Variants in ZBTB7C observed in about 807,000 individuals in gnomAD.
ZBTB7C encodes the protein zinc finger and BTB domain-containing protein 7C.
Under a neutral mutation model 25.7 loss-of-function variants are expected in ZBTB7C, and 8 were observed. The ratio of observed to expected loss-of-function variants is 0.31; its 90% confidence interval spans 0.18 to 0.56. ZBTB7C has a LOEUF of 0.56. ZBTB7C is among the 20% of genes least tolerant of loss of function. The pLI, the probability that ZBTB7C is intolerant of heterozygous loss-of-function variation, is 0.91. For synonymous variants in ZBTB7C, 394 were observed against 369.0 expected, an observed-to-expected ratio of 1.07 and a Z score of -0.78; for missense variants, 824 against 855.2, an observed-to-expected ratio of 0.96 and a Z score of 0.46.
At chr18:48,407,775 C>A (rs551177344) in intron 1 of ZBTB7C, among the ~76,000 whole-genome samples, 2 of 152,124 alleles carry the variant, frequency 1.3e-5, no homozygotes, top group Non-Finnish European at 2.9e-5. Flanking sequence ...GGGCAGGGAG[C>A]GGGAGCCACC....
At chr18:48,204,449 T>C (rs938579323) in intron 2 of ZBTB7C, among the ~76,000 whole-genome samples, 1 of 152,144 alleles carries the variant, frequency 6.6e-6, no homozygotes, top group Non-Finnish European at 1.5e-5. Context: ...TAATGCCCTT[T>C]TATAATCTCG....
At chr18:48,041,543 G>A in intron 3 of ZBTB7C, 1 of 985,354 alleles carries the variant, frequency 1.0e-6, no homozygotes, top group Non-Finnish European at 1.2e-6. Context: ...TGCTTCTGCT[G>A]AGAAGATGCT....
Position 48,029,426 on chromosome 18 carries a change from T to C in ZBTB7C, c.1694A>G (p.Glu565Gly). Reference protein sequence around the residue: ...QMKLFGRAQLEAERNAGGLLA... With the variant: ...QMKLFGRAQLGAERNAGGLLA... ...GAGGCCCCCCGCGTTCCTCTCAGCC[T>C]CCAGCTGCGCGCGCCCGAACAGCTT... The change falls in exon 5 of 5, where the codon GAG (glutamate) becomes GGG (glycine). Residue 565 changes from glutamate to glycine, a missense_variant. Around this residue, in one of 4 missense-constraint regions of ZBTB7C, gnomAD observed 342 missense variants for 307.0 expected, o/e 1.11. Coordinates refer to ENST00000590800, the MANE Select transcript of ZBTB7C (RefSeq NM_001318841.2). The C allele has an allele frequency of 6.3e-7, 1 of 1,586,840 alleles. No individual in the cohort carries two copies.
At position 48,193,169 on chromosome 18, in the gene ZBTB7C, G is replaced by A. The variant is rs527495693; in HGVS notation, c.-78-7174C>T. 2.6e-5 allele frequency among the ~76,000 whole-genome samples: 4 copies of A among 152,250 alleles called. No homozygotes were observed. The East Asian group carries it at 7.8e-4, about 30-fold the overall frequency. On this transcript the variant is annotated intron_variant, in intron 2 of 4. Transcript: ENST00000590800. ...AGAAAGTCAAGTGGGGAGGCCAGCA[G>A]GGCCTCCAGCTGGTGATGCAAACAG...
chr18:48,209,557 C>G (rs368976814), intron 2 of ZBTB7C, among the ~76,000 whole-genome samples: 1 of 152,072 alleles, frequency 6.6e-6, no homozygotes, highest in Non-Finnish European at 1.5e-5. Context: ...GAGTTCAAGA[C>G]CAGCCCAGGC....
At chr18:48,192,051 C>T (rs2042211007) in intron 2 of ZBTB7C, among the ~76,000 whole-genome samples, 1 of 152,180 alleles carries the variant, frequency 6.6e-6, no homozygotes, top group South Asian at 2.1e-4. Flanking sequence ...CTAGGCTGTC[C>T]TTCAGTAGCT....
chr18:48,287,982 T>A (rs1365046465), intron 2 of ZBTB7C, among the ~76,000 whole-genome samples: 1 of 152,218 alleles, frequency 6.6e-6, no homozygotes, highest in African/African-American at 2.4e-5. Context: ...AAGCATTCTC[T>A]TTAACATCAG....
intron 3 of ZBTB7C, among the ~76,000 whole-genome samples, chr18:48,152,346 G>A (rs953015226): frequency 6.6e-6 from 1 of 152,110 alleles, no homozygotes; most frequent in Non-Finnish European, 1.5e-5. Context: ...AAATCCAGGT[G>A]AAAGGCAGGT....
At chr18:48,131,748 G>C (rs2039991793) in intron 3 of ZBTB7C, among the ~76,000 whole-genome samples, 1 of 152,238 alleles carries the variant, frequency 6.6e-6, no homozygotes, top group Non-Finnish European at 1.5e-5. Context: ...GGATGCTCAA[G>C]AGGTCTGAAT....
chr18:48,277,096 C>A (rs1350132178), intron 2 of ZBTB7C, among the ~76,000 whole-genome samples: 1 of 148,864 alleles, frequency 6.7e-6, no homozygotes, highest in East Asian at 2.0e-4. Context: ...GCAAGGACTT[C>A]ATGTCCAAAA....
intron 3 of ZBTB7C, among the ~76,000 whole-genome samples, chr18:48,077,216 T>G (rs1206423768): frequency 6.6e-6 from 1 of 152,030 alleles, no homozygotes; most frequent in Non-Finnish European, 1.5e-5. Context: ...CAGTTATGAG[T>G]AAGTTCTGGA....
chr18:48,369,385 G>C (rs1261107486), intron 1 of ZBTB7C, among the ~76,000 whole-genome samples: 2 of 151,646 alleles, frequency 1.3e-5, no homozygotes, highest in African/African-American at 4.9e-5. Context: ...AGAAATGAAA[G>C]ACAGAGAGAA....
intron 2 of ZBTB7C, among the ~76,000 whole-genome samples, chr18:48,282,601 T>C (rs1011262624): frequency 6.6e-6 from 1 of 152,134 alleles, no homozygotes; most frequent in African/African-American, 2.4e-5. Flanking sequence ...CTAGGAATTA[T>C]CTAAATGCCC....
intron 1 of ZBTB7C, among the ~76,000 whole-genome samples, chr18:48,380,355 G>A (rs1042091691): frequency 2.0e-5 from 3 of 152,194 alleles, no homozygotes; most frequent in African/African-American, 7.2e-5. Context: ...ATGGCAGATG[G>A]TGGGAGCCAG....
intron 3 of ZBTB7C, among the ~76,000 whole-genome samples, chr18:48,110,962 C>T (rs2039217923): frequency 6.6e-6 from 1 of 152,164 alleles, no homozygotes; most frequent in Non-Finnish European, 1.5e-5. Context: ...ATGAGTAGGT[C>T]ATGTGGAAGT....
rs1011502028 is a variant in ZBTB7C, at chr18:48,031,013, C to G, written c.1209-1102G>C. ...AGCTCTGTGTCTAGTCTCCTACTTC[C>G]TCCCTGCAGGTGTGGCTTGGGTGGA... On this transcript the variant is annotated intron_variant, in intron 4 of 4. Transcript: ENST00000590800. 5.9e-5 allele frequency among the ~76,000 whole-genome samples: 9 copies of G among 152,230 alleles called. No individual in the cohort carries two copies. In the East Asian group the frequency reaches 1.7e-3, roughly 29 times the overall value.
intron 2 of ZBTB7C, among the ~76,000 whole-genome samples, chr18:48,279,133 C>T (rs1202992087): frequency 6.6e-6 from 1 of 152,112 alleles, no homozygotes; most frequent in Non-Finnish European, 1.5e-5. Flanking sequence ...CAGAGGGCAG[C>T]ACCATGGAGA....
chr18:48,355,772 G>A (rs1384511531), intron 1 of ZBTB7C, among the ~76,000 whole-genome samples: 1 of 152,166 alleles, frequency 6.6e-6, no homozygotes, highest in Non-Finnish European at 1.5e-5. Context: ...CAATTTCTTT[G>A]TTGCCTAGAA....
rs2048353596 is a variant in ZBTB7C at position 48,409,273 on chromosome 18, C to T, written c.-351G>A. ...GCGCCTCCCGCACTTGGCTCCGGGA[C>T]GCAGTCCTGGCGTCCTCCTTCGCCG... On this transcript the variant is annotated 5_prime_UTR_variant, in exon 1 of 5. Transcript: ENST00000590800. The T allele has an allele frequency of 1.3e-5, 2 of 149,492 alleles. No individual in the cohort carries two copies. Among genetic ancestry groups the T allele is most frequent in the Non-Finnish European group, 3.0e-5 (2 of 67,096 alleles). The allele number at this position is 149,492 out of a possible 1,614,324, so 9.3% of individuals were successfully genotyped here. A position where few individuals can be genotyped will look rare whatever the true frequency, so the allele number is the denominator to read the frequency against.
Sources: allele counts gnomAD v4.1 joint callset (sites outside exome capture counted in the v4.1 genomes callset), GRCh38; gene constraint gnomAD v4.1.1; regional missense constraint gnomAD v4.1.1; transcripts MANE v1.5; gene names NCBI Gene and HGNC (gene_info 2026-07-23, HGNC 2026-07-21).